The following SLC22A23 variants were observed in gnomAD, a reference collection of about 807,000 sequenced individuals.
SLC22A23 encodes ion transporter protein.
SLC22A23 carries 26 observed loss-of-function variants against 61.0 expected under a neutral mutation model. The observed-to-expected ratio is 0.43, with a 90% confidence interval of 0.31 to 0.59. The LOEUF is 0.59. SLC22A23 is among the 20% of genes least tolerant of loss of function. The pLI is 0.11. For synonymous variants in SLC22A23, 430 were observed against 413.9 expected (o/e 1.04, Z -0.47); for missense variants, 796 against 934.7 (o/e 0.85, Z 1.94).
At chr6:3,332,022 A>G (rs1388188873) in intron 3 of SLC22A23, among the ~76,000 whole-genome samples, 6 of 152,192 alleles carry the variant, frequency 3.9e-5, no homozygotes, top group African/African-American at 1.4e-4. Flanking sequence ...TCAAAATCAT[A>G]CGCAGTGAGT....
At chr6:3,385,465 G>C (rs1232730641) in intron 3 of SLC22A23, among the ~76,000 whole-genome samples, 1 of 152,156 alleles carries the variant, frequency 6.6e-6, no homozygotes, top group East Asian at 1.9e-4. Context: ...GCAGTGTGCA[G>C]AGATGGTGCC....
At chr6:3,326,009 C>T (rs879116055) in intron 3 of SLC22A23, among the ~76,000 whole-genome samples, 1 of 152,240 alleles carries the variant, frequency 6.6e-6, no homozygotes, top group African/African-American at 2.4e-5. Flanking sequence ...AACTACACTT[C>T]TTTTACCAGA....
At chr6:3,393,836 G>A (rs1767825476) in intron 3 of SLC22A23, among the ~76,000 whole-genome samples, 1 of 152,250 alleles carries the variant, frequency 6.6e-6, no homozygotes, top group African/African-American at 2.4e-5. Context: ...TCATCCCTCT[G>A]AAAAGAGGAT....
At chr6:3,426,653 C>CT (rs1770511658) in intron 1 of SLC22A23, among the ~76,000 whole-genome samples, 1 of 152,056 alleles carries the variant, frequency 6.6e-6, no homozygotes, top group South Asian at 2.1e-4. Context: ...GACATGATGC[C>CT]TTTTTCTTTC....
At chr6:3,310,599 T>A (rs1162388591) in intron 4 of SLC22A23, among the ~76,000 whole-genome samples, 1 of 152,238 alleles carries the variant, frequency 6.6e-6, no homozygotes, top group African/African-American at 2.4e-5. Flanking sequence ...GTTTTACATC[T>A]TAGTCCCTGT....
At chr6:3,362,264 C>T (rs9405196) in intron 3 of SLC22A23, among the ~76,000 whole-genome samples, 38,680 of 150,886 alleles carry the variant, frequency 0.26, 5,768 homozygotes, top group East Asian at 0.52. Flanking sequence ...ATTAGCTGGG[C>T]GTGGTAGCAT....
In SLC22A23 at chr6:3,309,985, C is replaced by T. The variant is rs1426678987; in HGVS notation, c.1083-11767G>A. On this transcript the variant is annotated intron_variant, in intron 4 of 9. Transcript: ENST00000406686. The surrounding 1 kb of genome is among the most constrained non-coding windows in gnomAD (Gnocchi z 4.7). ...ACATCACACCATGATTGCAGTATTG[C>T]TTCTACAGCAGGAAAAATGTATTCT... 6.6e-6 allele frequency among the ~76,000 whole-genome samples: 1 copy of T among 152,172 alleles called. No individual in the cohort carries two copies. Among genetic ancestry groups the T allele is most frequent in the Non-Finnish European group, 1.5e-5 (1 of 68,022 alleles).
chr6:3,326,440 G>T (rs919087452), intron 3 of SLC22A23, among the ~76,000 whole-genome samples: 1 of 151,964 alleles, frequency 6.6e-6, no homozygotes, highest in Non-Finnish European at 1.5e-5. Context: ...GCATCTTAAT[G>T]AGCTCCCCAG....
chr6:3,285,078 C>A lies in SLC22A23; in HGVS notation c.1579+1G>T. 6.2e-7 allele frequency: 1 copy of A among 1,613,088 alleles called. No homozygotes were observed. Among genetic ancestry groups the A allele is most frequent in the African/African-American group, 1.3e-5 (1 of 75,050 alleles). ...GCACAGCCCACGCGCTTGGGACTCACCTGAGTCTGGGTGCTGGCTGTACTT... is the reference window on the plus strand; with the variant it reads ...GCACAGCCCACGCGCTTGGGACTCAACTGAGTCTGGGTGCTGGCTGTACTT... On this transcript the variant is annotated splice_donor_variant, in intron 8 of 9. Coordinates refer to ENST00000406686, the MANE Select transcript of SLC22A23 (RefSeq NM_015482.2). LOFTEE classifies it high-confidence loss of function.
chr6:3,321,096 T>TA (rs1762919799), intron 4 of SLC22A23, among the ~76,000 whole-genome samples: 1 of 139,106 alleles, frequency 7.2e-6, no homozygotes, highest in African/African-American at 2.4e-5. Flanking sequence ...ACACAGCTAC[T>TA]AAGTGGCAGA....
intron 5 of SLC22A23, chr6:3,290,255 C>T: frequency 3.2e-6 from 1 of 312,736 alleles, no homozygotes; most frequent in South Asian, 2.9e-5. Context: ...CTGGGCAAAT[C>T]TAAACATGCA....
chr6:3,392,664 C>A (rs1767738963), intron 3 of SLC22A23, among the ~76,000 whole-genome samples: 1 of 152,084 alleles, frequency 6.6e-6, no homozygotes, highest in Non-Finnish European at 1.5e-5. Context: ...AGAGGATTTG[C>A]TGATCAAGGG....
At position 3,328,521 on chromosome 6, in the gene SLC22A23, C is replaced by A. The variant is rs1341753849; in HGVS notation, c.914-4519G>T. Among the ~76,000 whole-genome samples the A allele has an allele frequency of 1.3e-5, 2 of 152,068 alleles. No individual in the cohort carries two copies. Reference sequence around the variant, plus strand: ...TCTTAGGCATTTGCTCAAACAGGAACCCCGGTGCTGCCAGGAGAGAGCTGA... The same window carrying A: ...TCTTAGGCATTTGCTCAAACAGGAAACCCGGTGCTGCCAGGAGAGAGCTGA... On this transcript the variant is annotated intron_variant, in intron 3 of 9. Transcript: ENST00000406686. The surrounding 1 kb of genome is among the most constrained non-coding windows in gnomAD (Gnocchi z 5.0).
At chr6:3,444,028 TA>T (rs1159619314) in intron 1 of SLC22A23, among the ~76,000 whole-genome samples, 2 of 152,234 alleles carry the variant, frequency 1.3e-5, no homozygotes, top group Admixed American at 6.5e-5. Flanking sequence ...TTTGTTAATG[TA>T]ATTTAAATTT....
intron 3 of SLC22A23, among the ~76,000 whole-genome samples, chr6:3,365,372 T>C (rs931178321): frequency 2.6e-5 from 4 of 152,146 alleles, no homozygotes; most frequent in Non-Finnish European, 4.4e-5. Context: ...CAGACGGACA[T>C]GACCTCTGTT....
chr6:3,394,618 G>T (rs1767888057), intron 3 of SLC22A23, among the ~76,000 whole-genome samples: 1 of 152,150 alleles, frequency 6.6e-6, no homozygotes, highest in Non-Finnish European at 1.5e-5. Context: ...AGAAGGGTGT[G>T]ACCCCCAGAG....
At chr6:3,331,612 T>G (rs2127409931) in intron 3 of SLC22A23, among the ~76,000 whole-genome samples, 1 of 152,328 alleles carries the variant, frequency 6.6e-6, no homozygotes, top group East Asian at 1.9e-4. Flanking sequence ...TTTTCAGATT[T>G]TACTACCTTC....
chr6:3,381,275 G>A (rs1766935378), intron 3 of SLC22A23, among the ~76,000 whole-genome samples: 1 of 152,192 alleles, frequency 6.6e-6, no homozygotes, highest in Non-Finnish European at 1.5e-5. Flanking sequence ...AGAGAAGCCT[G>A]CCTTAGTGAG....
intron 9 of SLC22A23, among the ~76,000 whole-genome samples, chr6:3,282,033 GAAT>G (rs1759516227): frequency 6.6e-6 from 1 of 152,146 alleles, no homozygotes; most frequent in Non-Finnish European, 1.5e-5. Flanking sequence ...ATCTAACAGA[GAAT>G]AATGATGCCT....
Sources: allele counts gnomAD v4.1 joint callset (sites outside exome capture counted in the v4.1 genomes callset), GRCh38; gene constraint gnomAD v4.1.1; non-coding constraint Gnocchi (gnomAD v3.1); transcripts MANE v1.5; gene names NCBI Gene and HGNC (gene_info 2026-07-23, HGNC 2026-07-21).